Variants in COL21A1 observed in about 807,000 individuals in gnomAD.
COL21A1 encodes the protein collagen alpha-1(XXI) chain.
In COL21A1, 149 loss-of-function variants were observed where a neutral mutation model predicts 137.9. The ratio of observed to expected loss-of-function variants is 1.08; its 90% CI spans 0.95 to 1.24. The LOEUF (loss-of-function observed/expected upper bound fraction) is 1.24, where lower values mean the gene tolerates loss of function less well. Ranked by LOEUF, COL21A1 falls within the 50% of genes most tolerant of loss-of-function variation. COL21A1 has a pLI of 0.00. For missense variants in COL21A1, 1,167 were observed against 1,158.4 expected (o/e 1.01, Z -0.11); for synonymous variants, 456 against 391.5 (o/e 1.16, Z -1.95).
At chr6:56,083,951 A>G (rs1768002857) in intron 17 of COL21A1, among the ~76,000 whole-genome samples, 1 of 151,970 alleles carries the variant, frequency 6.6e-6, no homozygotes, top group African/African-American at 2.4e-5. Flanking sequence ...AATTTAGAAG[A>G]AAAACACACA....
At chr6:56,249,962 A>G (rs1298622647), upstream of COL21A1, among the ~76,000 whole-genome samples, 2 of 152,254 alleles carry the variant, frequency 1.3e-5, no homozygotes, top group Non-Finnish European at 2.9e-5. Context: ...AGATGTTATT[A>G]AAAATAAGAA....
At chr6:56,172,870 A>G (rs1777173651) in intron 3 of COL21A1, among the ~76,000 whole-genome samples, 1 of 152,132 alleles carries the variant, frequency 6.6e-6, no homozygotes, top group Non-Finnish European at 1.5e-5. Context: ...TGTTTCATGT[A>G]ACCCCTATGA....
At chr6:56,390,658 T>C (rs1161801336) in intron 1 of COL21A1, among the ~76,000 whole-genome samples, 1 of 151,826 alleles carries the variant, frequency 6.6e-6, no homozygotes, top group Non-Finnish European at 1.5e-5. Flanking sequence ...GTACCTACAC[T>C]TGTACTGTCA....
chr6:56,061,236 A>G (rs991209274), intron 25 of COL21A1, 199 bp from the exon 26 acceptor site: 2 of 558,900 alleles, frequency 3.6e-6, no homozygotes, highest in Admixed American at 3.7e-5. Context: ...CCATCCATCC[A>G]ACCAGCCAGA....
rs150687481 is a variant in COL21A1 at position 56,194,918 on chromosome 6, C to T, written c.-38-12262G>A. 5.8e-3 allele frequency among the ~76,000 whole-genome samples: 881 copies of T among 152,250 alleles called. 8 individuals are homozygous for T. Among genetic ancestry groups the T allele is most frequent in the African/African-American group, 0.019 (793 of 41,532 alleles). On this transcript the variant is annotated intron_variant, in intron 1 of 29. Coordinates refer to ENST00000244728, the MANE Select transcript of COL21A1 (RefSeq NM_030820.4). ...TTAAAAGGTGATTGGGTCATGAGGG[C>T]TCTGCCTTTTCGAATGGGTTAATCC...
intron 9 of COL21A1, among the ~76,000 whole-genome samples, chr6:56,163,684 G>T (rs986687617): frequency 4.7e-5 from 7 of 149,066 alleles, no homozygotes; most frequent in Non-Finnish European, 4.4e-5. Flanking sequence ...ACTCCAGCTG[G>T]CGATAGAGCA....
intron 1 of COL21A1, among the ~76,000 whole-genome samples, chr6:56,229,945 C>T (rs570421808): frequency 6.6e-6 from 1 of 151,944 alleles, no homozygotes; most frequent in East Asian, 1.9e-4. Context: ...ATGCAAATCA[C>T]GATCCATTGG....
intron 1 of COL21A1, among the ~76,000 whole-genome samples, chr6:56,264,451 T>C (rs1763351148): frequency 6.6e-6 from 1 of 152,166 alleles, no homozygotes; most frequent in Non-Finnish European, 1.5e-5. Flanking sequence ...TATTCCTATC[T>C]ACCCAACAAT....
intron 16 of COL21A1, among the ~76,000 whole-genome samples, chr6:56,104,771 A>C (rs894944546): frequency 6.6e-6 from 1 of 152,232 alleles, no homozygotes; most frequent in Non-Finnish European, 1.5e-5. Context: ...GTTCTTTAAA[A>C]AAAAGGAAAT....
chr6:56,086,322 A>T (rs899862600), intron 17 of COL21A1, among the ~76,000 whole-genome samples: 1 of 152,118 alleles, frequency 6.6e-6, no homozygotes, highest in Non-Finnish European at 1.5e-5. Flanking sequence ...ACCATTGCAC[A>T]GTTGAAAATC....
At chr6:56,230,122 TTCCTGTGGG>T in intron 1 of COL21A1, among the ~76,000 whole-genome samples, 2 of 152,088 alleles carry the variant, frequency 1.3e-5, no homozygotes, top group Middle Eastern at 6.8e-3. Flanking sequence ...AATTTATTTC[TTCCTGTGGG>T]TCCTGTAAAA....
chr6:56,253,917 G>A lies in COL21A1; in HGVS notation c.-38-71261C>T, dbSNP rs558121015. ...TTAAGTAACCTGCAAGTCTTACTTCGGAAAGCATGTTCTTAGATCCAGATG... is the reference window on the plus strand; with the variant it reads ...TTAAGTAACCTGCAAGTCTTACTTCAGAAAGCATGTTCTTAGATCCAGATG... On this transcript the variant is annotated intron_variant, in intron 1 of 28. Coordinates refer to the COL21A1 transcript ENST00000370819. Among the ~76,000 whole-genome samples, 40 of 152,186 alleles carry A rather than the reference G, an allele frequency of 2.6e-4. No homozygotes were observed. In the South Asian group the frequency reaches 7.0e-3, roughly 27 times the overall value.
At chr6:56,269,832 A>C (rs1763481554) in intron 1 of COL21A1, among the ~76,000 whole-genome samples, 1 of 152,158 alleles carries the variant, frequency 6.6e-6, no homozygotes, top group Admixed American at 6.5e-5. Context: ...TTTCAAACCA[A>C]GTTTCATAAG....
At chr6:56,184,758 G>C (rs1778153040) in intron 1 of COL21A1, among the ~76,000 whole-genome samples, 1 of 152,102 alleles carries the variant, frequency 6.6e-6, no homozygotes, top group African/African-American at 2.4e-5. Flanking sequence ...AAATATTGGC[G>C]ATGGCATCTG....
At chr6:56,201,842 T>C (rs1054178609) in intron 1 of COL21A1, among the ~76,000 whole-genome samples, 5 of 152,192 alleles carry the variant, frequency 3.3e-5, no homozygotes, top group Non-Finnish European at 7.4e-5. Flanking sequence ...TAAAGACTTA[T>C]AGCCAACCCA....
intron 12 of COL21A1, among the ~76,000 whole-genome samples, chr6:56,131,999 C>A (rs1454916850): frequency 1.3e-5 from 2 of 151,628 alleles, no homozygotes; most frequent in East Asian, 3.9e-4. Flanking sequence ...TAAGATTATA[C>A]CTCTAATATG....
At chr6:56,126,206 C>T in intron 12 of COL21A1, 57 bp from the exon 13 acceptor site, 1 of 1,117,490 alleles carries the variant, frequency 8.9e-7, no homozygotes, top group Non-Finnish European at 1.3e-6. Flanking sequence ...TAAACAATAT[C>T]ATCATCTATT....
Position 56,179,876 on chromosome 6 carries a change from T to C in COL21A1, c.342A>G (p.Thr114=), listed in dbSNP as rs758347290. The C allele has an allele frequency of 5.0e-6, 8 of 1,613,978 alleles. No individual in the cohort carries two copies. The highest frequency in any genetic ancestry group is 3.3e-5 in the South Asian group (3 of 91,084). The change falls in exon 3 of 30, where the codon ACA becomes ACG. Residue 114 remains threonine (T), a synonymous_variant. Transcript: ENST00000244728. ...CAAACTGGATGGCCTTCCCTGTCTT[T>C]GTGTTTCCTCCTAAGTAGAGTATGG... The part of the protein sequence containing the change: ...VESILYLGGN[T]KTGKAIQFAL...
At chr6:56,329,860 T>C (rs1765179829) in intron 1 of COL21A1, among the ~76,000 whole-genome samples, 1 of 152,110 alleles carries the variant, frequency 6.6e-6, no homozygotes, top group Admixed American at 6.6e-5. Flanking sequence ...GGAAAAGATA[T>C]GACAGACACA....
Sources: gnomAD v4.1 joint callset for allele counts (sites outside exome capture counted in the v4.1 genomes callset) on GRCh38, gnomAD v4.1.1 for gene constraint, MANE v1.5 for transcripts, NCBI Gene and HGNC (gene_info 2026-07-23, HGNC 2026-07-21) for gene names.